The following DYM variants were observed in gnomAD, a reference collection of about 807,000 sequenced individuals.
The protein encoded by DYM is dyggve-Melchior-Clausen syndrome protein.
DYM carries 78 observed loss-of-function variants against 93.1 expected under a neutral mutation model. That is an observed-to-expected ratio of 0.84 (90% confidence interval 0.70 to 1.01). DYM has a LOEUF of 1.01. DYM is among the 50% of genes least tolerant of loss of function. DYM has a pLI of 0.00. For missense variants in DYM, 789 were observed against 845.0 expected (o/e 0.93, Z 0.82); for synonymous variants, 321 against 319.7 (o/e 1.00, Z -0.04).
intron 15 of DYM, among the ~76,000 whole-genome samples, chr18:49,153,265 A>G (rs1018001177): frequency 5.9e-5 from 9 of 152,154 alleles, no homozygotes; most frequent in African/African-American, 1.4e-4. Flanking sequence ...TAAACCTGGG[A>G]AAAAAATCGA....
At chr18:49,130,415 G>A (rs1052385795) in intron 15 of DYM, among the ~76,000 whole-genome samples, 3 of 152,162 alleles carry the variant, frequency 2.0e-5, no homozygotes, top group Non-Finnish European at 2.9e-5. Context: ...CCTCGGATTC[G>A]AATGTCCTAG....
chr18:49,455,625 TG>T (rs2082914554), intron 1 of DYM, among the ~76,000 whole-genome samples: 1 of 152,138 alleles, frequency 6.6e-6, no homozygotes, highest in Admixed American at 6.5e-5. Flanking sequence ...TCAAAAAGTA[TG>T]TAGGTTAGTC....
At chr18:49,171,080 CTT>C (rs1200927620) in intron 14 of DYM, among the ~76,000 whole-genome samples, 1 of 152,110 alleles carries the variant, frequency 6.6e-6, no homozygotes, top group African/African-American at 2.4e-5. Context: ...TCAGTGGTGA[CTT>C]TATCCACTGT....
chr18:49,310,846 A>G (rs2061547703), intron 8 of DYM, among the ~76,000 whole-genome samples: 3 of 152,226 alleles, frequency 2.0e-5, no homozygotes, highest in African/African-American at 7.2e-5. Flanking sequence ...AATTGAAACA[A>G]TAAGGGCCAC....
chr18:49,331,877 T>G lies in DYM; in HGVS notation c.750A>C (p.Ala250=), dbSNP rs771581972. ...SDGGGLLYGL[A]SGVATGLWTV... The stretch of plus-strand genomic sequence containing the variant: ...GATAAAACTTACTTGCTACTCCTGA[T>G]GCAAGTCCATAAAGCAGTCCTCCCC... The change falls in exon 8 of 18, where the codon GCA becomes GCC. Residue 250 remains alanine (A), a synonymous_variant. Transcript: ENST00000675505. The G allele has an allele frequency of 2.5e-6, 4 of 1,614,114 alleles. No individual in the cohort carries two copies. The highest frequency in any genetic ancestry group is 2.2e-5 in the South Asian group (2 of 91,084).
At chr18:49,406,928 A>T (rs1262182991) in intron 2 of DYM, among the ~76,000 whole-genome samples, 1 of 152,232 alleles carries the variant, frequency 6.6e-6, no homozygotes, top group Non-Finnish European at 1.5e-5. Flanking sequence ...ACAGCCAAAA[A>T]GTGGTAATGA....
intron 8 of DYM, among the ~76,000 whole-genome samples, chr18:49,330,235 G>T (rs1304856635): frequency 6.6e-6 from 1 of 151,966 alleles, no homozygotes; most frequent in Non-Finnish European, 1.5e-5. Context: ...TGACTATATA[G>T]CACACTAAAA....
rs187923220 is a variant in DYM at position 49,398,020 on chromosome 18, T to C, written c.141-6375A>G. ...TAAAGAGTGTCATGCATAAAAATCA[T>C]ATATACACACAAAGCTAAGACTTAC... On this transcript the variant is annotated intron_variant, in intron 2 of 17. Transcript: ENST00000675505. 4.9e-4 allele frequency among the ~76,000 whole-genome samples: 74 copies of C among 152,318 alleles called. No individual in the cohort carries two copies. In the East Asian group the frequency reaches 0.014, roughly 29 times the overall value.
chr18:49,115,722 C>T (rs1317540238), intron 16 of DYM, among the ~76,000 whole-genome samples: 1 of 152,114 alleles, frequency 6.6e-6, no homozygotes, highest in Admixed American at 6.5e-5. Context: ...GAAAGAGATA[C>T]ATTAATAAAC....
intron 14 of DYM, among the ~76,000 whole-genome samples, chr18:49,201,886 C>A (rs999468337): frequency 6.6e-6 from 1 of 152,130 alleles, no homozygotes; most frequent in African/African-American, 2.4e-5. Context: ...GATTTTTTCC[C>A]AATGGTATTA....
At chr18:49,170,754 C>T (rs1192513132) in intron 14 of DYM, among the ~76,000 whole-genome samples, 1 of 128,176 alleles carries the variant, frequency 7.8e-6, no homozygotes, top group African/African-American at 3.0e-5. Context: ...GCACTCCAGC[C>T]TGGGCAACAA....
intron 7 of DYM, among the ~76,000 whole-genome samples, chr18:49,332,511 T>G (rs1339130091): frequency 6.6e-6 from 1 of 152,128 alleles, no homozygotes; most frequent in Non-Finnish European, 1.5e-5. Flanking sequence ...GAAGTAGTAA[T>G]AAAGAATCAG....
chr18:49,425,951 C>G (rs1006789272), intron 2 of DYM, among the ~76,000 whole-genome samples: 1 of 151,974 alleles, frequency 6.6e-6, no homozygotes, highest in African/African-American at 2.4e-5. Context: ...GTTGGTGGGA[C>G]TGTAAACTAG....
intron 13 of DYM, among the ~76,000 whole-genome samples, chr18:49,232,595 C>T (rs1243513674): frequency 6.9e-6 from 1 of 144,426 alleles, no homozygotes; most frequent in Non-Finnish European, 1.5e-5. Context: ...AGCCACTGTG[C>T]CCGGCCTCTT....
At chr18:49,086,568 TTGAA>T (rs1273078177) in intron 17 of DYM, among the ~76,000 whole-genome samples, 5 of 152,122 alleles carry the variant, frequency 3.3e-5, no homozygotes, top group Admixed American at 2.6e-4. Context: ...GTGCCATAGA[TTGAA>T]TGTGTTCCCC....
intron 14 of DYM, among the ~76,000 whole-genome samples, chr18:49,183,609 T>A (rs1346725500): frequency 6.6e-6 from 1 of 152,178 alleles, no homozygotes; most frequent in East Asian, 1.9e-4. Flanking sequence ...ATTAAGTTCT[T>A]GAGCCTGGGA....
intron 2 of DYM, among the ~76,000 whole-genome samples, chr18:49,409,392 T>A (rs1344907024): frequency 1.3e-5 from 2 of 152,178 alleles, no homozygotes; most frequent in African/African-American, 4.8e-5. Context: ...ATATTGCTGC[T>A]TAAGCAGAAA....
At chr18:49,361,743 C>T (rs1478630749) in intron 6 of DYM, among the ~76,000 whole-genome samples, 2 of 152,040 alleles carry the variant, frequency 1.3e-5, no homozygotes, top group South Asian at 2.1e-4. Flanking sequence ...TTTTTTGTGA[C>T]GTAGTCTCGC....
In DYM at chr18:49,331,963, A is replaced by T. The variant is rs748710125; in HGVS notation, c.664T>A (p.Phe222Ile). ...SKLVKTLLYN[F>I]IRQEKPPPPG... is the part of the protein sequence containing the mutation. ...GGAGGTGGCTTTTCTTGTCTGATAA[A>T]GTTATATAATAAGGTCTTCACAAGT... Residue 222 changes from phenylalanine to isoleucine, a missense_variant, in exon 8 of 18, where the codon TTT becomes ATT. By Grantham distance (21) the Phe-to-Ile change is conservative. Transcript: ENST00000675505. The T allele has an allele frequency of 6.2e-7, 1 of 1,614,120 alleles. No homozygotes were observed. Among genetic ancestry groups the T allele is most frequent in the Non-Finnish European group, 8.5e-7 (1 of 1,179,980 alleles).
Sources: gnomAD v4.1 joint callset for allele counts (sites outside exome capture counted in the v4.1 genomes callset) on GRCh38, gnomAD v4.1.1 for gene constraint, MANE v1.5 for transcripts, NCBI Gene and HGNC (gene_info 2026-07-23, HGNC 2026-07-21) for gene names.